Variants in GNAS-AS1 observed in about 807,000 individuals in gnomAD.
The protein encoded by GNAS-AS1 is GNAS antisense RNA 1 (non-protein coding).
chr20:58,820,219 C>G (rs766689182), intron 4 of GNAS-AS1, among the ~76,000 whole-genome samples: 3 of 152,250 alleles, frequency 2.0e-5, no homozygotes, highest in South Asian at 4.1e-4. Context: ...AGGTGCTGAC[C>G]GCTGAGCCAC....
intron 2 of GNAS-AS1, among the ~76,000 whole-genome samples, chr20:58,844,618 A>G (rs2085871838): frequency 6.6e-6 from 1 of 152,174 alleles, no homozygotes; most frequent in East Asian, 1.9e-4. Flanking sequence ...TATCCCTTTC[A>G]GCTCCAAATG....
At chr20:58,846,687 A>G (rs1405651230) in intron 2 of GNAS-AS1, among the ~76,000 whole-genome samples, 2 of 151,786 alleles carry the variant, frequency 1.3e-5, no homozygotes, top group African/African-American at 4.8e-5. Context: ...TCTCCCCTCA[A>G]CCCCATGTGA....
At chr20:58,827,989 T>A (rs1370063998) in intron 4 of GNAS-AS1, among the ~76,000 whole-genome samples, 2 of 98,792 alleles carry the variant, frequency 2.0e-5, no homozygotes, top group African/African-American at 6.1e-5. Flanking sequence ...TGCTGATATG[T>A]TATCAGTCAC....
intron 4 of GNAS-AS1, among the ~76,000 whole-genome samples, chr20:58,836,064 TG>T (rs1320629955): frequency 6.6e-6 from 1 of 151,382 alleles, no homozygotes; most frequent in Admixed American, 6.6e-5. Flanking sequence ...TAGTAAAAAG[TG>T]GGGGCGGGGG....
chr20:58,850,827 C>T (rs1423560520), exon 1 of GNAS-AS1: 4 of 398,672 alleles, frequency 1.0e-5, no homozygotes, highest in Middle Eastern at 6.2e-4. Flanking sequence ...CAGGCCTAGC[C>T]GCCATACACC....
At chr20:58,822,729 T>G (rs964856655) in intron 4 of GNAS-AS1, among the ~76,000 whole-genome samples, 4 of 152,128 alleles carry the variant, frequency 2.6e-5, no homozygotes, top group African/African-American at 9.7e-5. Context: ...CTTACTTAAT[T>G]CTCTCCTGGC....
chr20:58,822,346 G>A (rs1177224735), intron 4 of GNAS-AS1, among the ~76,000 whole-genome samples: 1 of 152,192 alleles, frequency 6.6e-6, no homozygotes, highest in Admixed American at 6.5e-5. Flanking sequence ...ATGAGTGACA[G>A]GCACAAGTGG....
intron 4 of GNAS-AS1, among the ~76,000 whole-genome samples, chr20:58,832,176 A>T (rs939781319): frequency 4.3e-5 from 6 of 139,194 alleles, no homozygotes; most frequent in African/African-American, 1.2e-4. Context: ...AAATATAATT[A>T]AAAAAAGAGT....
chr20:58,842,565 T>C (rs2145484765), intron 2 of GNAS-AS1: 1 of 398,592 alleles, frequency 2.5e-6, no homozygotes, highest in Non-Finnish European at 4.4e-6. Context: ...ACGGAGAAAC[T>C]AGTTTATTTG....
At chr20:58,842,049 A>T (rs1045601795) in exon 4 of GNAS-AS1, 19 of 517,748 alleles carry the variant, frequency 3.7e-5, no homozygotes, top group Non-Finnish European at 5.1e-5. Flanking sequence ...CGGCTCCGGC[A>T]GCCTTGGGGA....
At chr20:58,819,579 T>C (rs543106816) in intron 4 of GNAS-AS1, among the ~76,000 whole-genome samples, 1 of 152,252 alleles carries the variant, frequency 6.6e-6, no homozygotes, top group Non-Finnish European at 1.5e-5. Context: ...GTGTCTGATC[T>C]GAGAGAAGCC....
At position 58,840,214 on chromosome 20, in the gene GNAS-AS1, C is replaced by T. The variant is rs764128447; in HGVS notation, n.819+1723G>A. On this transcript the variant is annotated intron_variant and non_coding_transcript_variant, in intron 4 of 4. Transcript: ENST00000424094. This position sits in a 1 kb window ranked among gnomAD's most constrained non-coding sequence, Gnocchi z 6.0. ...CAGCCACCGCGCTCCTCTGGCTCTC[C>T]TGCTCCATCGCGCTCCTCCGCGCCC... The T allele has an allele frequency of 6.2e-7, 1 of 1,611,224 alleles. No homozygotes were observed. Among genetic ancestry groups the T allele is most frequent in the South Asian group, 1.1e-5 (1 of 91,070 alleles).
intron 2 of GNAS-AS1, among the ~76,000 whole-genome samples, chr20:58,846,496 C>T (rs897795521): frequency 6.6e-6 from 1 of 152,206 alleles, no homozygotes; most frequent in Non-Finnish European, 1.5e-5. Flanking sequence ...CATACAAGTA[C>T]TTCAATTGCT....
intron 4 of GNAS-AS1, chr20:58,823,997 C>T: frequency 5.0e-6 from 2 of 398,680 alleles, no homozygotes; most frequent in Non-Finnish European, 8.8e-6. Context: ...GGAAATCCCC[C>T]ACAGGGAGAT....
chr20:58,824,780 G>A (rs868586450), intron 4 of GNAS-AS1, among the ~76,000 whole-genome samples: 5 of 152,134 alleles, frequency 3.3e-5, no homozygotes, highest in Admixed American at 2.6e-4. Context: ...GCATTACTTG[G>A]TTTTGCCTGC....
intron 2 of GNAS-AS1, among the ~76,000 whole-genome samples, chr20:58,843,645 G>A (rs528556732): frequency 6.6e-6 from 1 of 152,362 alleles, no homozygotes; most frequent in South Asian, 2.1e-4. Flanking sequence ...TCAAATGGAG[G>A]GTGAGGGAGG....
chr20:58,823,743 A>T (rs2085501727), intron 4 of GNAS-AS1, among the ~76,000 whole-genome samples: 1 of 152,230 alleles, frequency 6.6e-6, no homozygotes, highest in Non-Finnish European at 1.5e-5. Flanking sequence ...GTCCACTCTG[A>T]CTTGGCAATG....
At chr20:58,847,787 G>C (rs980554419) in intron 2 of GNAS-AS1, among the ~76,000 whole-genome samples, 25 of 152,026 alleles carry the variant, frequency 1.6e-4, no homozygotes, top group African/African-American at 5.6e-4. Flanking sequence ...CCTTCTCTTT[G>C]TTGGCTACAG....
At chr20:58,836,184 C>T (rs1187554748) in intron 4 of GNAS-AS1, 1 of 152,220 alleles carries the variant, frequency 6.6e-6, no homozygotes, top group Non-Finnish European at 1.5e-5. Context: ...GCACCGAGTT[C>T]CAACCCCACT....
Sources: gnomAD v4.1 joint callset for allele counts (sites outside exome capture counted in the v4.1 genomes callset) on GRCh38, gnomAD v4.1.1 for gene constraint, Gnocchi (gnomAD v3.1) non-coding constraint, MANE v1.5 for transcripts, NCBI Gene and HGNC (gene_info 2026-07-23, HGNC 2026-07-21) for gene names.